SOX6: variants seen among roughly 807,000 people sequenced by gnomAD.
SOX6 encodes the protein SRY-box transcription factor 6, also known as transcription factor SOX-6.
Under a neutral mutation model 97.8 loss-of-function variants are expected in SOX6, and 11 were observed. The observed-to-expected ratio is 0.11, with a 90% CI of 0.07 to 0.19. The LOEUF (loss-of-function observed/expected upper bound fraction) is 0.19. SOX6 is among the 10% of genes least tolerant of loss of function. The pLI, the probability that SOX6 is intolerant of heterozygous loss-of-function variation, is 1.00. For missense variants in SOX6, 810 were observed against 1,039.5 expected (o/e 0.78, Z 3.04); for synonymous variants, 360 against 371.4 (o/e 0.97, Z 0.35).
upstream of SOX6, among the ~76,000 whole-genome samples, chr11:16,360,631 C>T (rs1241905264): frequency 6.6e-6 from 1 of 152,124 alleles, no homozygotes; most frequent in Non-Finnish European, 1.5e-5. Flanking sequence ...TTGTATCCCC[C>T]AAGATAACTG....
In SOX6 at chr11:16,056,046, G is replaced by A. The variant is rs1056242834; in HGVS notation, c.1102-145C>T. ...TTTTTAAAAAAGGAAGCTAAGAGAA[G>A]GCAAATAATAAAACAGAAAGAAAAA... is the stretch of plus-strand genomic sequence containing the variant. On this transcript the variant is annotated intron_variant, in intron 9 of 15. Coordinates refer to ENST00000683767, the MANE Select transcript of SOX6 (RefSeq NM_001367873.1). 27 of 947,052 alleles carry A rather than the reference G, an allele frequency of 2.9e-5. No homozygotes were observed. The African/African-American group carries it at 4.3e-4, about 15-fold the overall frequency. The allele number at this position is 947,052 out of a possible 1,614,324, so 58.7% of individuals were successfully genotyped here. A position where few individuals can be genotyped will look rare whatever the true frequency, so the allele number is the denominator to read the frequency against.
rs927945576 is a variant in SOX6 at position 15,971,850 on chromosome 11, C to T, written c.*959G>A. On this transcript the variant is annotated 3_prime_UTR_variant, in exon 16 of 16. Coordinates refer to ENST00000683767, the MANE Select transcript of SOX6 (RefSeq NM_001367873.1). ...AAATAAATAGCAAGTGGACCCTTGA[C>T]ATTCTGGAATGAATAAATTATTTAA... 6.6e-6 allele frequency: 1 copy of T among 152,504 alleles called. No individual in the cohort carries two copies. The highest frequency in any genetic ancestry group is 6.6e-5 in the Admixed American group (1 of 15,256). The allele number at this position is 152,504 out of a possible 1,614,324, so 9.4% of individuals were successfully genotyped here. A position where few individuals can be genotyped will look rare whatever the true frequency, so the allele number is the denominator to read the frequency against.
intron 9 of SOX6, among the ~76,000 whole-genome samples, chr11:16,079,000 T>G (rs1192630983): frequency 1.3e-5 from 2 of 152,196 alleles, no homozygotes; most frequent in Non-Finnish European, 2.9e-5. Context: ...TTATATACCA[T>G]GAAACCGACT....
intron 2 of SOX6, among the ~76,000 whole-genome samples, chr11:16,729,803 C>G (rs1465694412): frequency 6.6e-6 from 1 of 151,770 alleles, no homozygotes; most frequent in East Asian, 1.9e-4. Context: ...AGAGTCAATA[C>G]CCACCTGTAT....
At chr11:16,336,066 T>A (rs1457039745) in intron 2 of SOX6, among the ~76,000 whole-genome samples, 1 of 152,202 alleles carries the variant, frequency 6.6e-6, no homozygotes, top group South Asian at 2.1e-4. Flanking sequence ...GATAGTCCAC[T>A]ATGGTTATTT....
chr11:16,050,006 C>G, intron 10 of SOX6, 68 bp from the exon 11 acceptor site: 1 of 1,537,308 alleles, frequency 6.5e-7, no homozygotes, highest in Non-Finnish European at 9.0e-7. Context: ...ACTTAGTAAG[C>G]CACAGTTATT....
At chr11:16,015,860 A>G (rs890499981) in intron 12 of SOX6, among the ~76,000 whole-genome samples, 3 of 152,034 alleles carry the variant, frequency 2.0e-5, no homozygotes, top group Non-Finnish European at 2.9e-5. Flanking sequence ...TCCTGACTCA[A>G]ACTTGGCTTT....
intron 6 of SOX6, among the ~76,000 whole-genome samples, chr11:16,157,215 A>G (rs1457600998): frequency 6.6e-6 from 1 of 151,968 alleles, no homozygotes; most frequent in Middle Eastern, 3.2e-3. Context: ...ATACCTCCTT[A>G]GCCGAGATTC....
In SOX6 at chr11:16,532,658, C is replaced by A. The variant is rs574896524; in HGVS notation, n.610-56270G>T. 2.0e-3 allele frequency among the ~76,000 whole-genome samples: 306 copies of A among 151,926 alleles called. 1 individual carries two copies. The highest frequency in any genetic ancestry group is 2.9e-3 in the Non-Finnish European group (195 of 67,788). On this transcript the variant is annotated intron_variant and non_coding_transcript_variant, in intron 4 of 5. Transcript: ENST00000524520. Reference sequence around the variant, plus strand: ...AAGGAAAATACTTTATAAAAACAGACCTAGTCATAATATGCCTTAACATTT... The same window carrying A: ...AAGGAAAATACTTTATAAAAACAGAACTAGTCATAATATGCCTTAACATTT...
chr11:16,377,754 T>A (rs1857682730), intron 1 of SOX6, among the ~76,000 whole-genome samples: 1 of 152,168 alleles, frequency 6.6e-6, no homozygotes, highest in Admixed American at 6.6e-5. Flanking sequence ...ATTCAACAAT[T>A]TCGATGTATC....
intron 3 of SOX6, among the ~76,000 whole-genome samples, chr11:16,674,558 A>G (rs766048137): frequency 2.0e-5 from 3 of 152,206 alleles, no homozygotes; most frequent in Non-Finnish European, 4.4e-5. Context: ...GGGCAATCAG[A>G]CAAGAGAAAG....
intron 3 of SOX6, among the ~76,000 whole-genome samples, chr11:16,243,594 A>G (rs1047474780): frequency 6.6e-6 from 1 of 151,896 alleles, no homozygotes; most frequent in Non-Finnish European, 1.5e-5. Flanking sequence ...CAAATTATAT[A>G]CTCATGTAGC....
chr11:16,278,043 C>A (rs186380462), intron 3 of SOX6, among the ~76,000 whole-genome samples: 6 of 152,144 alleles, frequency 3.9e-5, no homozygotes, highest in East Asian at 1.9e-4. Flanking sequence ...ATATATATTT[C>A]TCTCTTAGTG....
rs1283896354 is a variant in SOX6, at chr11:16,055,877, T to A, written c.1126A>T (p.Ser376Cys). 1 of 1,613,608 alleles carries A rather than the reference T, an allele frequency of 6.2e-7. No individual in the cohort carries two copies. The highest frequency in any genetic ancestry group is 8.5e-7 in the Non-Finnish European group (1 of 1,179,784). Residue 376 changes from serine to cysteine, a missense_variant, in exon 10 of 16, where the codon AGC becomes TGC. Coordinates refer to ENST00000683767, the MANE Select transcript of SOX6 (RefSeq NM_001367873.1). ...TTTGCTCCAGGTGACACCTGCATGC[T>A]GGCCAGCTGAGCGGCATAGAGCTGC... Reference protein sequence around the residue: ...IEQLYAAQLASMQVSPGAKMP... With the variant: ...IEQLYAAQLACMQVSPGAKMP...
chr11:16,602,069 T>C (rs1024639559), intron 4 of SOX6, among the ~76,000 whole-genome samples: 3 of 152,228 alleles, frequency 2.0e-5, no homozygotes, highest in Non-Finnish European at 4.4e-5. Context: ...TTGATACTAT[T>C]ATATCATTTA....
chr11:16,357,895 T>C (rs759652994), upstream of SOX6, among the ~76,000 whole-genome samples: 7 of 152,180 alleles, frequency 4.6e-5, no homozygotes, highest in Non-Finnish European at 1.0e-4. Context: ...AAAGCAAGCA[T>C]GCATATGGAT....
chr11:16,573,364 C>A (rs1413488765), intron 4 of SOX6, among the ~76,000 whole-genome samples: 1 of 152,102 alleles, frequency 6.6e-6, no homozygotes, highest in Non-Finnish European at 1.5e-5. Flanking sequence ...CTCAGTTTTC[C>A]CCTGGAGCCC....
chr11:16,395,610 C>T (rs1858331443), intron 1 of SOX6, among the ~76,000 whole-genome samples: 1 of 151,708 alleles, frequency 6.6e-6, no homozygotes, highest in South Asian at 2.1e-4. Flanking sequence ...TCTGTGGGGC[C>T]AGGGTCTTTT....
chr11:16,248,373 A>G (rs765023424), intron 3 of SOX6, among the ~76,000 whole-genome samples: 7 of 152,050 alleles, frequency 4.6e-5, no homozygotes, highest in Non-Finnish European at 8.8e-5. Context: ...AGGGGTTCCA[A>G]TCCCACATTT....
Sources: allele counts gnomAD v4.1 joint callset (sites outside exome capture counted in the v4.1 genomes callset), GRCh38; gene constraint gnomAD v4.1.1; transcripts MANE v1.5; gene names NCBI Gene and HGNC (gene_info 2026-07-23, HGNC 2026-07-21).